Variants in OTOA observed in about 807,000 individuals in gnomAD.
OTOA encodes otoancorin, also known as cancer/testis antigen 108.
OTOA carries 70 observed loss-of-function variants against 110.8 expected under a neutral mutation model. The observed-to-expected ratio is 0.63, with a 90% CI of 0.52 to 0.77. The LOEUF (loss-of-function observed/expected upper bound fraction) is 0.77. Among genes scored for constraint, OTOA ranks in the 30% least tolerant of loss-of-function variants. The pLI is 0.00. For synonymous variants in OTOA, 373 were observed against 431.5 expected (o/e 0.86, Z 1.68); for missense variants, 917 against 1,075.8 (o/e 0.85, Z 2.06).
chr16:21,678,075 A>G (rs1226792954), intron 1 of OTOA, among the ~76,000 whole-genome samples: 3 of 151,884 alleles, frequency 2.0e-5, no homozygotes, highest in Non-Finnish European at 4.4e-5. Flanking sequence ...TAGTAGAGAC[A>G]GGGTTTCACT....
chr16:21,672,839 T>C (rs1266778834), intron 1 of OTOA, among the ~76,000 whole-genome samples: 1 of 152,112 alleles, frequency 6.6e-6, no homozygotes, highest in Non-Finnish European at 1.5e-5. Flanking sequence ...TACAGACTAC[T>C]ATAACTAAAT....
chr16:21,685,370 C>T lies in OTOA; in HGVS notation c.399+9C>T, dbSNP rs1188193960. On this transcript the variant is annotated intron_variant, in intron 7 of 28. Coordinates refer to ENST00000646100, the MANE Select transcript of OTOA (RefSeq NM_144672.4). ...ACAAGAAGGACGGCTTGGTGAGGAG[C>T]CCTTGGCATCCCGGGGATAGAGGAA... is the stretch of plus-strand genomic sequence containing the variant. The T allele has an allele frequency of 1.9e-6, 3 of 1,609,398 alleles. No homozygotes were observed. The highest frequency in any genetic ancestry group is 2.2e-5 in the South Asian group (2 of 90,946).
intron 17 of OTOA, chr16:21,721,512 T>A (rs188020426): frequency 2.2e-6 from 1 of 456,024 alleles, no homozygotes; most frequent in East Asian, 6.9e-5. Context: ...GTCGAAAATG[T>A]CAATAATACT....
At chr16:21,714,963 T>C in intron 13 of OTOA, 22 bp from the exon 14 acceptor site, 3 of 1,613,928 alleles carry the variant, frequency 1.9e-6, no homozygotes, top group Non-Finnish European at 2.5e-6. Context: ...AGAGCCTGAC[T>C]GCGCAGCCGC....
intron 9 of OTOA, among the ~76,000 whole-genome samples, chr16:21,693,175 A>G (rs1299352080): frequency 6.6e-6 from 1 of 152,112 alleles, no homozygotes; most frequent in African/African-American, 2.4e-5. Context: ...GAGGTGGGAG[A>G]ATCACTTGAG....
Position 21,736,318 on chromosome 16 carries a change from G to C in OTOA, c.2359G>C (p.Glu787Gln). 1.2e-6 allele frequency: 2 copies of C among 1,604,626 alleles called. No individual in the cohort carries two copies. The highest frequency in any genetic ancestry group is 1.7e-6 in the Non-Finnish European group (2 of 1,178,982). ...SKMARTLPTKEFLWAVFQSVR... is the reference protein window; with the variant it reads ...SKMARTLPTKQFLWAVFQSVR... ...GATGGCCAGGACCCTGCCCACTAAA[G>C]AATTCCTCTGGGCTGTCTTTCAGTC... is the stretch of plus-strand genomic sequence containing the variant. Residue 787 changes from glutamate (E) to glutamine (Q), a missense_variant, in exon 22 of 29, where the codon GAA becomes CAA. Glu to Gln is a conservative substitution (Grantham distance 29). Around this residue, in one of 6 missense-constraint regions of OTOA, gnomAD observed 57 missense variants for 59.7 expected, o/e 0.96. Transcript: ENST00000646100.
chr16:21,674,589 C>G (rs1479271665), intron 1 of OTOA, among the ~76,000 whole-genome samples: 1 of 151,906 alleles, frequency 6.6e-6, no homozygotes, highest in African/African-American at 2.4e-5. Context: ...CCACCTCGGC[C>G]TTCCAAAGTG....
chr16:21,682,422 A>G (rs1051819887), intron 6 of OTOA, among the ~76,000 whole-genome samples: 2 of 152,244 alleles, frequency 1.3e-5, no homozygotes, highest in African/African-American at 4.8e-5. Flanking sequence ...TAAAAGTTGA[A>G]GGGTTCAATT....
chr16:21,696,909 T>C (rs1351531744), intron 9 of OTOA, among the ~76,000 whole-genome samples: 1 of 151,762 alleles, frequency 6.6e-6, no homozygotes, highest in Non-Finnish European at 1.5e-5. Flanking sequence ...TATTATTACT[T>C]TTTTAAAGAG....
At chr16:21,701,217 G>A in intron 11 of OTOA, 190 bp downstream of exon 11, 1 of 808,348 alleles carries the variant, frequency 1.2e-6, no homozygotes, top group Non-Finnish European at 2.0e-6. Context: ...TTATGAAGCT[G>A]GGTGAAAGGA....
rs1458895465 is a variant in OTOA, at chr16:21,710,065, G to A, written c.1282G>A (p.Val428Ile). 28 of 1,613,830 alleles carry A rather than the reference G, an allele frequency of 1.7e-5. No homozygotes were observed. The highest frequency in any genetic ancestry group is 2.2e-5 in the Non-Finnish European group (26 of 1,179,974). ...GGTCTCAGGTTGGGCCAAGAGCCAG[G>A]TCATCATCTTGTCTGCCAAATACTT... is the stretch of plus-strand genomic sequence containing the variant. ...NQVSGWAKSQ[V>I]IILSAKYLAH... Residue 428 changes from valine (V) to isoleucine (I), a missense_variant, in exon 13 of 29, where the codon GTC (valine) becomes ATC (isoleucine). Val to Ile is a conservative substitution (Grantham distance 29). Coordinates refer to ENST00000646100, the MANE Select transcript of OTOA (RefSeq NM_144672.4).
In OTOA at chr16:21,702,754, C is replaced by G. The variant is rs1307274721; in HGVS notation, c.980+1727C>G. Reference sequence around the variant, plus strand: ...GCAGTAGCACAATCTCGGCTTACTGCAACCTCTGCCTCCTGGGTTCAAGTG... The same window carrying G: ...GCAGTAGCACAATCTCGGCTTACTGGAACCTCTGCCTCCTGGGTTCAAGTG... On this transcript the variant is annotated intron_variant, in intron 11 of 28. Transcript: ENST00000646100. Among the ~76,000 whole-genome samples, 6 of 152,276 alleles carry G rather than the reference C, an allele frequency of 3.9e-5. No homozygotes were observed. The East Asian group carries it at 1.2e-3, about 29-fold the overall frequency.
At chr16:21,670,764 G>C (rs2141646033) in intron 1 of OTOA, among the ~76,000 whole-genome samples, 1 of 152,322 alleles carries the variant, frequency 6.6e-6, no homozygotes, top group East Asian at 1.9e-4. Context: ...TAAAAGAGAA[G>C]TATTGGCCTT....
intron 13 of OTOA, among the ~76,000 whole-genome samples, chr16:21,711,671 G>A (rs1227352140): frequency 6.6e-6 from 1 of 152,122 alleles, no homozygotes; most frequent in African/African-American, 2.4e-5. Flanking sequence ...GTTTCGCCAT[G>A]TTGGCCAGGC....
chr16:21,685,556 C>G (rs1004428833), intron 7 of OTOA, among the ~76,000 whole-genome samples, 195 bp downstream of exon 7: 6 of 152,180 alleles, frequency 3.9e-5, no homozygotes, highest in Middle Eastern at 3.4e-3. Flanking sequence ...AAATGAAGAG[C>G]CTTACAATTT....
intron 23 of OTOA, among the ~76,000 whole-genome samples, chr16:21,744,644 T>C (rs1290517832): frequency 2.7e-5 from 1 of 36,452 alleles, no homozygotes; most frequent in African/African-American, 8.0e-5. Flanking sequence ...TGTCCTCACA[T>C]GGTGGAAAGG....
intron 1 of OTOA, among the ~76,000 whole-genome samples, chr16:21,678,007 C>T (rs1446852048): frequency 3.9e-5 from 6 of 152,080 alleles, no homozygotes; most frequent in Admixed American, 2.6e-4. Flanking sequence ...CTGTCTTAGC[C>T]TCCCAAGTAG....
At chr16:21,681,102 G>T (rs1348893910) in intron 5 of OTOA, among the ~76,000 whole-genome samples, 5 of 152,126 alleles carry the variant, frequency 3.3e-5, no homozygotes, top group African/African-American at 4.8e-5. Context: ...GCCTCTCATG[G>T]TGTACCTAGC....
intron 28 of OTOA, among the ~76,000 whole-genome samples, chr16:21,759,466 G>A (rs1597874163): frequency 6.8e-6 from 1 of 147,910 alleles, no homozygotes; most frequent in South Asian, 2.1e-4. Flanking sequence ...CCTTGCAGTT[G>A]TTTCTATTTT....
Sources: allele counts gnomAD v4.1 joint callset (sites outside exome capture counted in the v4.1 genomes callset), GRCh38; gene constraint gnomAD v4.1.1; regional missense constraint gnomAD v4.1.1; transcripts MANE v1.5; gene names NCBI Gene and HGNC (gene_info 2026-07-23, HGNC 2026-07-21).